The following WDR41 variants were observed in gnomAD, a reference collection of about 807,000 sequenced individuals.
WDR41 encodes the protein WD repeat domain 41.
Under a neutral mutation model 69.3 loss-of-function variants are expected in WDR41, and 63 were observed. The observed-to-expected ratio is 0.91, with a 90% CI of 0.74 to 1.12. The LOEUF is 1.12. Ranked by LOEUF, WDR41 falls within the 50% of genes most tolerant of loss-of-function variation. The probability of loss-of-function intolerance (pLI) is 0.00; values close to 1 mark genes in which losing one functional copy is unlikely to be tolerated. For synonymous variants in WDR41, 185 were observed against 192.1 expected (o/e 0.96, Z 0.31); for missense variants, 543 against 534.5 (o/e 1.02, Z -0.16).
chr5:77,545,250 A>G (rs1743170177), intron 1 of WDR41: 1 of 152,762 alleles, frequency 6.5e-6, no homozygotes, highest in Non-Finnish European at 1.5e-5. Context: ...TCGCACCTCA[A>G]GGAACTAGAG....
At chr5:77,609,763 A>C (rs1000419073) in intron 1 of WDR41, among the ~76,000 whole-genome samples, 1 of 152,246 alleles carries the variant, frequency 6.6e-6, no homozygotes, top group Non-Finnish European at 1.5e-5. Flanking sequence ...TCCTCCTCCA[A>C]AGGAACACAG....
Position 77,468,422 on chromosome 5 carries a change from T to C in WDR41, c.168-3613A>G, listed in dbSNP as rs374826577. Among the ~76,000 whole-genome samples the C allele has an allele frequency of 1.4e-3, 215 of 152,290 alleles. 2 individuals are homozygous for C. Among genetic ancestry groups the C allele is most frequent in the Non-Finnish European group, 2.1e-3 (140 of 68,008 alleles). On this transcript the variant is annotated intron_variant, in intron 2 of 12. Transcript: ENST00000296679. ...ATAAAAATAATTCCCTCTAAACATC[T>C]TCTCTTTGAACATCTCTGAGAAAGT...
rs1024774450 is a variant in WDR41 at position 77,433,038 on chromosome 5, A to G, written c.*97T>C. ...AGAATTTTATGGACTGACAAAAAAA[A>G]TTACCAATTTAAGTGATCAATATAT... On this transcript the variant is annotated 3_prime_UTR_variant, in exon 13 of 13. Transcript: ENST00000296679. 7.4e-7 allele frequency: 1 copy of G among 1,351,792 alleles called. No homozygotes were observed. Among genetic ancestry groups the G allele is most frequent in the Non-Finnish European group, 9.8e-7 (1 of 1,019,928 alleles). 83.7% of individuals were successfully genotyped at this position (1,351,792 alleles called of 1,614,324 possible).
chr5:77,571,963 C>T (rs1580015831), intron 1 of WDR41, among the ~76,000 whole-genome samples: 3 of 152,222 alleles, frequency 2.0e-5, no homozygotes, highest in Middle Eastern at 6.8e-3. Context: ...AAGAAAAATG[C>T]TAGGCTTCTG....
intron 4 of WDR41, among the ~76,000 whole-genome samples, chr5:77,460,428 C>T (rs1027856221): frequency 1.3e-5 from 2 of 152,166 alleles, no homozygotes; most frequent in African/African-American, 2.4e-5. Flanking sequence ...TAGTATCTCA[C>T]AGCCTTTTCA....
At chr5:77,512,380 G>C (rs2112175091) in intron 1 of WDR41, among the ~76,000 whole-genome samples, 1 of 151,304 alleles carries the variant, frequency 6.6e-6, no homozygotes, top group East Asian at 1.9e-4. Context: ...GTGTGTGTGT[G>C]TGTGTGTGTG....
Position 77,443,946 on chromosome 5 carries a change from A to C in WDR41, c.698-2949T>G, listed in dbSNP as rs574604067. Among the ~76,000 whole-genome samples the C allele has an allele frequency of 2.0e-4, 29 of 146,434 alleles. No homozygotes were observed. The South Asian group carries it at 2.4e-3, about 12-fold the overall frequency. On this transcript the variant is annotated intron_variant, in intron 8 of 12. Transcript: ENST00000296679. ...CACCCAGGCTGGAGTACAGTAACAC[A>C]ATCTTGGCTCCCTGTAACCTCCACC...
At chr5:77,444,884 A>G (rs1456234684) in intron 8 of WDR41, among the ~76,000 whole-genome samples, 1 of 152,250 alleles carries the variant, frequency 6.6e-6, no homozygotes, top group East Asian at 1.9e-4. Flanking sequence ...TAGAGTTTAT[A>G]AAGTAAAAAG....
intron 1 of WDR41, among the ~76,000 whole-genome samples, chr5:77,613,844 T>C (rs933699607): frequency 5.9e-5 from 9 of 152,148 alleles, no homozygotes; most frequent in Admixed American, 2.6e-4. Context: ...AAACTACCAT[T>C]AGAGTGAACA....
chr5:77,534,133 G>C (rs2112212528), intron 1 of WDR41, among the ~76,000 whole-genome samples: 1 of 151,994 alleles, frequency 6.6e-6, no homozygotes. Flanking sequence ...AGTTTAAATA[G>C]ACACTTAAAA....
chr5:77,598,654 T>C (rs1744268108), intron 1 of WDR41, among the ~76,000 whole-genome samples: 1 of 143,236 alleles, frequency 7.0e-6, no homozygotes, highest in Non-Finnish European at 1.5e-5. Flanking sequence ...CTTTTTTTTT[T>C]TGTTTTTTTT....
At chr5:77,482,920 C>A (rs1801344192) in intron 2 of WDR41, among the ~76,000 whole-genome samples, 1 of 151,764 alleles carries the variant, frequency 6.6e-6, no homozygotes, top group Non-Finnish European at 1.5e-5. Flanking sequence ...CCTCCACCCC[C>A]ACTCCCATAC....
chr5:77,578,864 CAA>C (rs55920763), intron 1 of WDR41, among the ~76,000 whole-genome samples: 3,386 of 77,120 alleles, frequency 0.044, 85 homozygotes, highest in Admixed American at 0.13. Context: ...AACTCCATCT[CAA>C]AAAAAAAAAA....
At chr5:77,569,893 T>C (rs1467559138) in intron 1 of WDR41, among the ~76,000 whole-genome samples, 1 of 152,196 alleles carries the variant, frequency 6.6e-6, no homozygotes, top group Non-Finnish European at 1.5e-5. Flanking sequence ...CACAGCATGT[T>C]CTTCTTAAAT....
chr5:77,436,041 A>G (rs753073943), intron 12 of WDR41, among the ~76,000 whole-genome samples: 6 of 152,236 alleles, frequency 3.9e-5, no homozygotes, highest in Admixed American at 1.3e-4. Context: ...GATTAAGACC[A>G]TTCTTAAAAG....
At chr5:77,445,106 A>C (rs1799326743) in intron 8 of WDR41, among the ~76,000 whole-genome samples, 1 of 152,212 alleles carries the variant, frequency 6.6e-6, no homozygotes, top group East Asian at 1.9e-4. Context: ...GGACAGCACC[A>C]CTGATCCCAC....
intron 1 of WDR41, among the ~76,000 whole-genome samples, chr5:77,542,008 A>T (rs1743097017): frequency 6.6e-6 from 1 of 152,166 alleles, no homozygotes; most frequent in South Asian, 2.1e-4. Context: ...TAGCAAAGAC[A>T]TGGAATCAGC....
intron 1 of WDR41, among the ~76,000 whole-genome samples, chr5:77,574,633 T>G (rs1242505531): frequency 1.3e-5 from 2 of 152,246 alleles, no homozygotes; most frequent in Non-Finnish European, 2.9e-5. Flanking sequence ...CTGGTATAAA[T>G]AGTATGGACA....
intron 2 of WDR41, among the ~76,000 whole-genome samples, chr5:77,474,612 A>G (rs139280063): frequency 8.5e-5 from 13 of 152,318 alleles, no homozygotes; most frequent in Middle Eastern, 3.4e-3. Flanking sequence ...CTACTTCAAC[A>G]ATTTCTTTTC....
Sources: allele counts gnomAD v4.1 joint callset (sites outside exome capture counted in the v4.1 genomes callset), GRCh38; gene constraint gnomAD v4.1.1; transcripts MANE v1.5; gene names NCBI Gene and HGNC (gene_info 2026-07-23, HGNC 2026-07-21).